TMEM38B: variants seen among roughly 807,000 people sequenced by gnomAD.
The protein encoded by TMEM38B is trimeric intracellular cation channel type B.
TMEM38B carries 24 observed loss-of-function variants against 28.7 expected under a neutral mutation model. The ratio of observed to expected loss-of-function variants is 0.84; its 90% CI spans 0.61 to 1.18. The LOEUF (loss-of-function observed/expected upper bound fraction) is 1.18, where lower values mean the gene tolerates loss of function less well. Among genes scored for constraint, TMEM38B ranks in the 50% most tolerant of loss-of-function variants. The pLI is 0.00. For synonymous variants in TMEM38B, 131 were observed against 127.7 expected (o/e 1.03, Z -0.17); for missense variants, 380 against 350.9 (o/e 1.08, Z -0.66).
chr9:105,714,471 A>G (rs1362626044), intron 2 of TMEM38B, among the ~76,000 whole-genome samples: 2 of 152,144 alleles, frequency 1.3e-5, no homozygotes, highest in Admixed American at 6.5e-5. Context: ...TTTATCATCT[A>G]TTTGGAAACC....
chr9:105,695,303 A>C (rs1231071210), intron 1 of TMEM38B, among the ~76,000 whole-genome samples: 1 of 151,758 alleles, frequency 6.6e-6, no homozygotes, highest in African/African-American at 2.4e-5. Flanking sequence ...AAAGTTGTAC[A>C]AGCACTGAAA....
chr9:105,761,907 T>A (rs1005065155), intron 5 of TMEM38B, among the ~76,000 whole-genome samples: 1 of 152,206 alleles, frequency 6.6e-6, no homozygotes, highest in Non-Finnish European at 1.5e-5. Context: ...ACATTGACTT[T>A]ATTTTTTCAT....
intron 4 of TMEM38B, among the ~76,000 whole-genome samples, chr9:105,728,264 C>T (rs140889840): frequency 0.013 from 1,949 of 151,764 alleles, 47 homozygotes; most frequent in African/African-American, 0.045. Context: ...CCCAACAAGC[C>T]CCCGTGTTTG....
At chr9:105,733,967 T>G (rs1381525427) in intron 4 of TMEM38B, among the ~76,000 whole-genome samples, 1 of 152,106 alleles carries the variant, frequency 6.6e-6, no homozygotes, top group Non-Finnish European at 1.5e-5. Context: ...ATTTCTGTAT[T>G]CTTTCCTTCT....
At position 105,774,699 on chromosome 9, in the gene TMEM38B, A is replaced by G. The variant is rs1029482935; in HGVS notation, c.*619A>G. The G allele has an allele frequency of 6.6e-6, 1 of 152,022 alleles. No individual in the cohort carries two copies. Among genetic ancestry groups the G allele is most frequent in the African/African-American group, 2.4e-5 (1 of 41,442 alleles). 9.4% of individuals were successfully genotyped at this position (152,022 alleles called of 1,614,324 possible). Reference sequence around the variant, plus strand: ...TTTTCCATAGCAGGTATTTTCTACTAGAAGTAGTTTTACTACTTTTCATTT... The same window carrying G: ...TTTTCCATAGCAGGTATTTTCTACTGGAAGTAGTTTTACTACTTTTCATTT... On this transcript the variant is annotated 3_prime_UTR_variant, in exon 6 of 6. Transcript: ENST00000374692.
At chr9:105,772,409 A>G (rs1396754) in intron 5 of TMEM38B, among the ~76,000 whole-genome samples, 3,307 of 152,134 alleles carry the variant, frequency 0.022, 116 homozygotes, top group African/African-American at 0.076. Flanking sequence ...TCTGCTTTCT[A>G]TTCCCCTGTG....
intron 4 of TMEM38B, among the ~76,000 whole-genome samples, chr9:105,733,349 G>T (rs1038068261): frequency 2.0e-5 from 3 of 151,172 alleles, no homozygotes; most frequent in Non-Finnish European, 4.4e-5. Context: ...TTTGAATTTG[G>T]TTTACTGATA....
chr9:105,757,932 C>T (rs1023164970), intron 5 of TMEM38B, among the ~76,000 whole-genome samples: 2 of 152,230 alleles, frequency 1.3e-5, no homozygotes, highest in Non-Finnish European at 2.9e-5. Context: ...GGTTGAAGAT[C>T]CACGTATCTT....
At chr9:105,722,242 A>G (rs1836344067) in intron 3 of TMEM38B, among the ~76,000 whole-genome samples, 1 of 152,196 alleles carries the variant, frequency 6.6e-6, no homozygotes. Flanking sequence ...CGGTCGTATC[A>G]GGAAAGGAAA....
rs1227647431 is a variant in TMEM38B at position 105,774,204 on chromosome 9, A to G, written c.*124A>G. ...TATATATGGAATGGAGGTGACAGAA[A>G]GAAAGAAATTCTTTGTTTGAGGGAG... On this transcript the variant is annotated 3_prime_UTR_variant, in exon 6 of 6. Transcript: ENST00000374692. The G allele has an allele frequency of 1.3e-6, 1 of 784,302 alleles. No individual in the cohort carries two copies. Among genetic ancestry groups the G allele is most frequent in the Non-Finnish European group, 2.0e-6 (1 of 498,494 alleles). The allele number at this position is 784,302 out of a possible 1,614,324, so 48.6% of individuals were successfully genotyped here.
chr9:105,749,296 A>C (rs955453193), intron 5 of TMEM38B: 21 of 228,624 alleles, frequency 9.2e-5, no homozygotes, highest in South Asian at 5.3e-4. Context: ...AAGAAGTTTA[A>C]GGGACTCACA....
chr9:105,757,254 A>T (rs921071435), intron 5 of TMEM38B, among the ~76,000 whole-genome samples: 2 of 152,162 alleles, frequency 1.3e-5, no homozygotes, highest in African/African-American at 2.4e-5. Flanking sequence ...GTTCCTTTTT[A>T]TGGCTGATTA....
At chr9:105,768,294 T>C (rs190547462) in intron 5 of TMEM38B, among the ~76,000 whole-genome samples, 237 of 152,270 alleles carry the variant, frequency 1.6e-3, no homozygotes, top group African/African-American at 5.4e-3. Context: ...TTAGTCATGA[T>C]GCGGTATCCT....
In TMEM38B at chr9:105,748,262, C is replaced by T. The variant is rs1837507294; in HGVS notation, c.660+72C>T. On this transcript the variant is annotated intron_variant, in intron 5 of 5. Transcript: ENST00000374692. Reference sequence around the variant, plus strand: ...TTCCCCTTTGATACAATTTTGCATGCTGGGCAAGTAAGAGGAACATTTATT... The same window carrying T: ...TTCCCCTTTGATACAATTTTGCATGTTGGGCAAGTAAGAGGAACATTTATT... 5.4e-6 allele frequency: 6 copies of T among 1,110,800 alleles called. No homozygotes were observed. In the South Asian group the frequency reaches 5.8e-5, roughly 11 times the overall value. The allele number at this position is 1,110,800 out of a possible 1,614,324, so 68.8% of individuals were successfully genotyped here. A position where few individuals can be genotyped will look rare whatever the true frequency, so the allele number is the denominator to read the frequency against.
intron 5 of TMEM38B, among the ~76,000 whole-genome samples, chr9:105,752,041 C>T (rs990594265): frequency 6.6e-6 from 1 of 152,186 alleles, no homozygotes; most frequent in Admixed American, 6.5e-5. Context: ...AAGAGTTTCC[C>T]CACAATGCAG....
chr9:105,734,221 T>C (rs7874069), intron 4 of TMEM38B, among the ~76,000 whole-genome samples: 35,447 of 152,060 alleles, frequency 0.23, 6,772 homozygotes, highest in African/African-American at 0.51. Context: ...AGGAGCATCC[T>C]GTTTAATTTT....
chr9:105,761,138 ATTAG>A (rs1838032286), intron 5 of TMEM38B, among the ~76,000 whole-genome samples: 1 of 152,172 alleles, frequency 6.6e-6, no homozygotes, highest in Non-Finnish European at 1.5e-5. Context: ...TAGCTAATGA[ATTAG>A]TTGTTTGGGG....
intron 2 of TMEM38B, among the ~76,000 whole-genome samples, chr9:105,715,397 G>A (rs1230565534): frequency 2.6e-5 from 4 of 151,464 alleles, no homozygotes; most frequent in Non-Finnish European, 4.4e-5. Context: ...CTTGGTGTTC[G>A]TTGTTGTGCG....
At chr9:105,717,352 TAA>T (rs1331363999) in intron 2 of TMEM38B, among the ~76,000 whole-genome samples, 1 of 152,222 alleles carries the variant, frequency 6.6e-6, no homozygotes, top group East Asian at 1.9e-4. Flanking sequence ...ATCACTTTCC[TAA>T]AATAAATCTT....
Sources: gnomAD v4.1 joint callset for allele counts (sites outside exome capture counted in the v4.1 genomes callset) on GRCh38, gnomAD v4.1.1 for gene constraint, MANE v1.5 for transcripts, NCBI Gene and HGNC (gene_info 2026-07-23, HGNC 2026-07-21) for gene names.